The following PHACTR1 variants were observed in gnomAD, a reference collection of about 807,000 sequenced individuals.
PHACTR1 encodes RPEL repeat containing 1.
Under a neutral mutation model 69.2 loss-of-function variants are expected in PHACTR1, and 16 were observed. That is an observed-to-expected ratio of 0.23 (90% CI 0.16 to 0.35). PHACTR1 has a LOEUF of 0.35. Ranked by LOEUF, PHACTR1 falls within the 10% of genes least tolerant of loss-of-function variation. PHACTR1 has a pLI of 1.00. For synonymous variants in PHACTR1, 312 were observed against 284.5 expected (o/e 1.10, Z -0.97); for missense variants, 510 against 734.7 (o/e 0.69, Z 3.54).
chr6:12,890,877 T>G (rs1784107576), intron 4 of PHACTR1, among the ~76,000 whole-genome samples: 1 of 152,220 alleles, frequency 6.6e-6, no homozygotes, highest in Non-Finnish European at 1.5e-5. Flanking sequence ...CTGTGTAATA[T>G]CTATCTTCCC....
At chr6:12,866,739 AAG>A (rs1781500038) in intron 4 of PHACTR1, among the ~76,000 whole-genome samples, 1 of 152,160 alleles carries the variant, frequency 6.6e-6, no homozygotes, top group Admixed American at 6.5e-5. Context: ...CCTTGCTGAG[AAG>A]AGACTCTGTG....
chr6:12,732,951 A>G (rs1320241564), intron 3 of PHACTR1, among the ~76,000 whole-genome samples: 1 of 152,206 alleles, frequency 6.6e-6, no homozygotes, highest in African/African-American at 2.4e-5. Context: ...TCTCTGACTA[A>G]TACCTCGTGA....
intron 4 of PHACTR1, among the ~76,000 whole-genome samples, chr6:12,861,687 C>A (rs1241023926): frequency 1.3e-5 from 2 of 152,232 alleles, no homozygotes; most frequent in East Asian, 3.9e-4. Context: ...CTTTTCAGTT[C>A]TTTTCTTTAG....
chr6:13,125,291 CA>C (rs1470613010), intron 5 of PHACTR1, among the ~76,000 whole-genome samples: 7 of 152,032 alleles, frequency 4.6e-5, no homozygotes, highest in African/African-American at 1.7e-4. Flanking sequence ...TGAAAATTCT[CA>C]AATATCTGTT....
Position 13,171,425 on chromosome 6 carries a change from T to G in PHACTR1, c.497-11094T>G, listed in dbSNP as rs183977838. ...AGTGTAGCAGCATCATTTTAACCTC[T>G]CTGTTCCAGAAATGGATTGACTTTT... On this transcript the variant is annotated intron_variant, in intron 6 of 14. Coordinates refer to ENST00000332995, the MANE Select transcript of PHACTR1 (RefSeq NM_030948.6). Among the ~76,000 whole-genome samples the G allele has an allele frequency of 3.9e-3, 595 of 152,290 alleles. 1 individual carries two copies. The highest frequency in any genetic ancestry group is 0.014 in the African/African-American group (574 of 41,540).
intron 4 of PHACTR1, among the ~76,000 whole-genome samples, chr6:12,920,340 T>C (rs144713034): frequency 4.6e-5 from 7 of 152,344 alleles, no homozygotes; most frequent in Non-Finnish European, 8.8e-5. Flanking sequence ...AAAATCCACA[T>C]GGATGGAACA....
chr6:13,128,569 C>A (rs971130208), intron 5 of PHACTR1, among the ~76,000 whole-genome samples: 2 of 151,614 alleles, frequency 1.3e-5, no homozygotes, highest in African/African-American at 4.8e-5. Flanking sequence ...AGCTTGAAGA[C>A]AAGGCTTTTG....
At chr6:12,761,864 G>A (rs1464940319) in intron 4 of PHACTR1, among the ~76,000 whole-genome samples, 2 of 152,284 alleles carry the variant, frequency 1.3e-5, no homozygotes, top group East Asian at 1.9e-4. Context: ...GTGGATCTGC[G>A]GAAGTCTAGG....
intron 5 of PHACTR1, among the ~76,000 whole-genome samples, chr6:13,062,477 C>T (rs1807822654): frequency 6.6e-6 from 1 of 152,196 alleles, no homozygotes; most frequent in South Asian, 2.1e-4. Context: ...CGCTATGTCC[C>T]AGGAATCACT....
chr6:13,195,258 C>T (rs140645465), intron 7 of PHACTR1, among the ~76,000 whole-genome samples: 1 of 152,244 alleles, frequency 6.6e-6, no homozygotes, highest in African/African-American at 2.4e-5. Context: ...TATTATAGTC[C>T]ACCATCTTCA....
chr6:13,224,145 T>C (rs1026688049), intron 8 of PHACTR1, among the ~76,000 whole-genome samples: 1 of 152,226 alleles, frequency 6.6e-6, no homozygotes, highest in African/African-American at 2.4e-5. Flanking sequence ...TACTAGGCAC[T>C]AAGCATAGTA....
chr6:13,112,174 C>T (rs1262684071), intron 5 of PHACTR1, among the ~76,000 whole-genome samples: 3 of 152,156 alleles, frequency 2.0e-5, no homozygotes, highest in Non-Finnish European at 4.4e-5. Context: ...TAATGGCCTC[C>T]ACTTTCATCC....
chr6:12,768,935 A>G (rs1174582550), intron 4 of PHACTR1, among the ~76,000 whole-genome samples: 3 of 151,990 alleles, frequency 2.0e-5, no homozygotes, highest in Non-Finnish European at 2.9e-5. Flanking sequence ...CTCGGAGGAC[A>G]TTATATTAAG....
At chr6:12,889,766 C>T (rs1471106723) in intron 4 of PHACTR1, among the ~76,000 whole-genome samples, 1 of 148,578 alleles carries the variant, frequency 6.7e-6, no homozygotes, top group African/African-American at 2.5e-5. Flanking sequence ...TCTTCTTCCT[C>T]TTCTTCTCCT....
intron 4 of PHACTR1, among the ~76,000 whole-genome samples, chr6:12,943,127 C>A (rs1336495197): frequency 2.0e-5 from 3 of 152,102 alleles, no homozygotes; most frequent in African/African-American, 7.2e-5. Flanking sequence ...AAATGTTCAT[C>A]AATGAACAAA....
chr6:12,792,489 AAAAAG>A (rs1262045414), intron 4 of PHACTR1, among the ~76,000 whole-genome samples: 1 of 148,490 alleles, frequency 6.7e-6, no homozygotes, highest in Non-Finnish European at 1.5e-5. Context: ...AAAAAAAAAA[AAAAAG>A]AAGATTTCTG....
chr6:13,260,185 G>A (rs372507065), intron 10 of PHACTR1, among the ~76,000 whole-genome samples: 6 of 152,108 alleles, frequency 3.9e-5, no homozygotes, highest in East Asian at 1.9e-4. Context: ...AGCATTCATC[G>A]TCCAACTGAG....
chr6:12,765,606 A>G (rs1231193824), intron 4 of PHACTR1, among the ~76,000 whole-genome samples: 2 of 152,176 alleles, frequency 1.3e-5, no homozygotes, highest in Non-Finnish European at 2.9e-5. Flanking sequence ...CAGAAGCTCT[A>G]GAGCAAGGAG....
chr6:12,876,317 A>G (rs1782525082), intron 4 of PHACTR1, among the ~76,000 whole-genome samples: 1 of 152,240 alleles, frequency 6.6e-6, no homozygotes, highest in Non-Finnish European at 1.5e-5. Flanking sequence ...TGTAATCTTC[A>G]TAATGATCCA....
Sources: allele counts gnomAD v4.1 joint callset (sites outside exome capture counted in the v4.1 genomes callset), GRCh38; gene constraint gnomAD v4.1.1; transcripts MANE v1.5; gene names NCBI Gene and HGNC (gene_info 2026-07-23, HGNC 2026-07-21).